Variants in ANK3 observed in about 807,000 individuals in gnomAD.
The protein encoded by ANK3 is ankyrin-3.
In ANK3, 57 loss-of-function variants were observed where a neutral mutation model predicts 370.9. The observed-to-expected ratio is 0.15, with a 90% CI of 0.12 to 0.19. ANK3 has a LOEUF of 0.19. ANK3 is among the 10% of genes least tolerant of loss of function. The pLI is 1.00. For synonymous variants in ANK3, 1,929 were observed against 1,946.3 expected, an observed-to-expected ratio of 0.99 and a Z score of 0.23; for missense variants, 4,439 against 5,302.1, an observed-to-expected ratio of 0.84 and a Z score of 5.06.
rs1591765088 is a variant in ANK3 at position 60,209,110 on chromosome 10, C to G, written c.997-877G>C. ...AAGGCAAAACAAGCTATGAAGATGT[C>G]AGTCCTTTCTTTTAACTATGATGGC... On this transcript the variant is annotated intron_variant, in intron 9 of 43. Transcript: ENST00000280772. Among the ~76,000 whole-genome samples, 6 of 152,286 alleles carry G rather than the reference C, an allele frequency of 3.9e-5. 1 individual carries two copies. Among genetic ancestry groups the G allele is most frequent in the Admixed American group, 3.9e-4 (6 of 15,278 alleles).
intron 1 of ANK3, among the ~76,000 whole-genome samples, chr10:60,293,292 A>G (rs994898677): frequency 1.3e-5 from 2 of 152,168 alleles, no homozygotes; most frequent in African/African-American, 2.4e-5. Context: ...ATTTACATAC[A>G]TACCCTCGGC....
At chr10:60,108,149 AAT>A in intron 27 of ANK3, 1 of 409,022 alleles carries the variant, frequency 2.4e-6, no homozygotes. Context: ...GAAAAAAAAA[AAT>A]TGTAGACATT....
At chr10:60,265,278 T>C (rs2097860469) in intron 5 of ANK3, among the ~76,000 whole-genome samples, 1 of 152,212 alleles carries the variant, frequency 6.6e-6, no homozygotes, top group African/African-American at 2.4e-5. Context: ...GTTCCTAGCC[T>C]CTGGTAACCA....
At chr10:60,540,281 C>G (rs1277191474) in intron 2 of ANK3, among the ~76,000 whole-genome samples, 2 of 151,804 alleles carry the variant, frequency 1.3e-5, no homozygotes, top group Admixed American at 6.6e-5. Context: ...CAGAGAGACA[C>G]AGAGATGAGA....
chr10:60,430,935 G>A (rs1026145891), intron 2 of ANK3, among the ~76,000 whole-genome samples: 3 of 152,136 alleles, frequency 2.0e-5, no homozygotes, highest in Non-Finnish European at 4.4e-5. Context: ...AACCTTATAA[G>A]TTTGTTTTGA....
In ANK3 at chr10:60,251,575, G is replaced by A. The variant is rs546056497; in HGVS notation, c.798+10284C>T. 2.0e-3 allele frequency among the ~76,000 whole-genome samples: 300 copies of A among 152,200 alleles called. 3 individuals carry two copies. Among genetic ancestry groups the A allele is most frequent in the Non-Finnish European group, 3.5e-3 (237 of 68,018 alleles). ...TCTACAAATTTTCAAATCTTTTAAG[G>A]CAGATGATGCTCCTTTTCCCTCCAC... On this transcript the variant is annotated intron_variant, in intron 7 of 43. Transcript: ENST00000280772.
intron 8 of ANK3, among the ~76,000 whole-genome samples, chr10:60,224,062 T>C (rs1008323742): frequency 2.0e-5 from 3 of 152,052 alleles, no homozygotes; most frequent in African/African-American, 4.8e-5. Context: ...TTCAACTGCA[T>C]AGAATAGTGT....
At chr10:60,207,240 C>T (rs898604878) in intron 10 of ANK3, among the ~76,000 whole-genome samples, 16 of 152,176 alleles carry the variant, frequency 1.1e-4, no homozygotes, top group African/African-American at 3.6e-4. Flanking sequence ...CCACAGAGTA[C>T]AAGAGGTGGT....
chr10:60,093,775 AGAC>A (rs2089351364), intron 28 of ANK3, among the ~76,000 whole-genome samples: 1 of 152,228 alleles, frequency 6.6e-6, no homozygotes, highest in Non-Finnish European at 1.5e-5. Context: ...CAGATGCAGC[AGAC>A]AAGTTGCAAG....
At position 60,070,852 on chromosome 10, in the gene ANK3, T is replaced by C. The variant is rs201376469; in HGVS notation, c.10029A>G (p.Gln3343=). The stretch of plus-strand genomic sequence containing the variant: ...CAGCAGAAGCTTTGGGTTTTTCTTT[T>C]TGTTCATCGTCCACTTCCTTTAATT... ...TFKLKEVDDE[Q]KEKPKASAEK... is the part of the protein sequence containing the mutation. The change falls in exon 37 of 44, where the codon CAA becomes CAG. Residue 3343 remains glutamine (Q), a synonymous_variant. Transcript: ENST00000280772. This position sits in a 1 kb window ranked among gnomAD's most constrained non-coding sequence, Gnocchi z 5.7. The C allele has an allele frequency of 8.4e-5, 136 of 1,614,158 alleles. No homozygotes were observed. The highest frequency in any genetic ancestry group is 4.3e-4 in the Admixed American group (26 of 60,010).
intron 2 of ANK3, among the ~76,000 whole-genome samples, chr10:60,454,131 T>C (rs1350805252): frequency 6.6e-6 from 1 of 152,202 alleles, no homozygotes; most frequent in Admixed American, 6.5e-5. Context: ...GATGCTTCCT[T>C]TACATTTTTG....
chr10:60,579,785 C>T (rs548516197), intron 2 of ANK3, among the ~76,000 whole-genome samples: 28 of 152,258 alleles, frequency 1.8e-4, no homozygotes, highest in African/African-American at 6.0e-4. Context: ...GACTGCAGGA[C>T]GTCAATCCTT....
intron 2 of ANK3, among the ~76,000 whole-genome samples, chr10:60,481,972 G>A (rs1280699432): frequency 6.6e-6 from 1 of 152,326 alleles, no homozygotes; most frequent in African/African-American, 2.4e-5. Flanking sequence ...AGAAGCGTCA[G>A]TGGAGACTGC....
chr10:60,665,582 T>C (rs2078986117), intron 1 of ANK3, among the ~76,000 whole-genome samples: 1 of 152,204 alleles, frequency 6.6e-6, no homozygotes, highest in African/African-American at 2.4e-5. Context: ...AAACTTGGAC[T>C]GTGTCTTCAG....
At chr10:60,282,762 C>T (rs748057884) in intron 1 of ANK3, among the ~76,000 whole-genome samples, 4 of 152,188 alleles carry the variant, frequency 2.6e-5, no homozygotes, top group Non-Finnish European at 4.4e-5. Context: ...ATTTTCTTCA[C>T]TTTCCTTGGC....
chr10:60,722,214 C>T (rs1055831437), intron 1 of ANK3, among the ~76,000 whole-genome samples: 1 of 151,906 alleles, frequency 6.6e-6, no homozygotes, highest in Non-Finnish European at 1.5e-5. Flanking sequence ...TTAATTATTG[C>T]TTATGCACCT....
At chr10:60,596,459 A>G (rs2077989132) in intron 2 of ANK3, among the ~76,000 whole-genome samples, 1 of 152,092 alleles carries the variant, frequency 6.6e-6, no homozygotes, top group South Asian at 2.1e-4. Flanking sequence ...TGCAGCCATT[A>G]CCTTACTATA....
At chr10:60,122,559 T>G (rs1280977740) in intron 25 of ANK3, among the ~76,000 whole-genome samples, 1 of 152,268 alleles carries the variant, frequency 6.6e-6, no homozygotes, top group African/African-American at 2.4e-5. Flanking sequence ...ACCTGCTGGT[T>G]TTGTGATCAT....
chr10:60,490,557 T>C (rs913416238), intron 2 of ANK3, among the ~76,000 whole-genome samples: 2 of 152,324 alleles, frequency 1.3e-5, no homozygotes, highest in Middle Eastern at 3.4e-3. Flanking sequence ...CCTGTCTTTA[T>C]CCATGACTGT....
Sources: allele counts gnomAD v4.1 joint callset (sites outside exome capture counted in the v4.1 genomes callset), GRCh38; gene constraint gnomAD v4.1.1; non-coding constraint Gnocchi (gnomAD v3.1); transcripts MANE v1.5; gene names NCBI Gene and HGNC (gene_info 2026-07-23, HGNC 2026-07-21).